The following NLRP5 variants were observed in gnomAD, a reference collection of about 807,000 sequenced individuals.
NLRP5 encodes NACHT, LRR and PYD domains-containing protein 5.
Under a neutral mutation model 113.1 loss-of-function variants are expected in NLRP5, and 93 were observed. That is an observed-to-expected ratio of 0.82 (90% CI 0.70 to 0.98). The LOEUF (loss-of-function observed/expected upper bound fraction) is 0.98, where lower values mean the gene tolerates loss of function less well. Ranked by LOEUF, NLRP5 falls within the 50% of genes least tolerant of loss-of-function variation. The probability of loss-of-function intolerance (pLI) is 0.00; values close to 1 mark genes in which losing one functional copy is unlikely to be tolerated. For missense variants in NLRP5, 1,808 were observed against 1,514.3 expected (o/e 1.19, Z -3.22); for synonymous variants, 751 against 600.7 (o/e 1.25, Z -3.66).
chr19:56,006,428 A>T (rs647004), intron 2 of NLRP5, among the ~76,000 whole-genome samples: 58,557 of 114,596 alleles, frequency 0.51, 11,625 homozygotes, highest in East Asian at 0.7. Context: ...GTATAATTTT[A>T]AAAAAAAAAT....
In NLRP5 at chr19:56,058,383, G is replaced by A; in HGVS notation, c.3443G>A (p.Cys1148Tyr). 1 of 1,613,670 alleles carries A rather than the reference G, an allele frequency of 6.2e-7. No individual in the cohort carries two copies. The highest frequency in any genetic ancestry group is 1.1e-5 in the South Asian group (1 of 90,998). Residue 1148 changes from cysteine to tyrosine, a missense_variant, in exon 14 of 15, where the codon TGT (cysteine) becomes TAT (tyrosine). Transcript: ENST00000390649. ...ATGAAGCTGTGTTCGGCCTTTGCCT[G>A]TCCCACGTCTAACTTACAGATAATT...
rs999905058 is a variant in NLRP5 at position 56,061,504 on chromosome 19, T to C, written c.3579T>C (p.Asp1193=). The change falls in exon 15 of 15, where the codon GAT becomes GAC. Residue 1193 remains aspartate (D), a synonymous_variant. Coordinates refer to ENST00000390649, the MANE Select transcript of NLRP5 (RefSeq NM_153447.4). Reference sequence around the variant, plus strand: ...GTAGTTGGCATTCTTTTGATGAAGATGACCGGTACTGGTGGAAAAACTGAA... The same window carrying C: ...GTAGTTGGCATTCTTTTGATGAAGACGACCGGTACTGGTGGAAAAACTGAA... 2 of 1,614,034 alleles carry C rather than the reference T, an allele frequency of 1.2e-6. No individual in the cohort carries two copies. The highest frequency in any genetic ancestry group is 4.5e-5 in the East Asian group (2 of 44,890).
intron 11 of NLRP5, among the ~76,000 whole-genome samples, chr19:56,044,573 A>T (rs188478334): frequency 2.0e-5 from 3 of 152,174 alleles, no homozygotes; most frequent in Non-Finnish European, 4.4e-5. Context: ...TCGTTGGTCT[A>T]TGTGCCTATT....
intron 3 of NLRP5, among the ~76,000 whole-genome samples, chr19:56,015,261 T>C (rs1424177343): frequency 6.6e-6 from 1 of 152,192 alleles, no homozygotes; most frequent in Non-Finnish European, 1.5e-5. Flanking sequence ...AGTGGTGTGA[T>C]GTCGGCTCAC....
At chr19:56,044,075 T>TTTC (rs1328330006) in intron 11 of NLRP5, among the ~76,000 whole-genome samples, 1 of 149,434 alleles carries the variant, frequency 6.7e-6, no homozygotes, top group African/African-American at 2.5e-5. Context: ...GTCTTTTTTT[T>TTTC]TTTTTGGAGA....
At chr19:56,056,909 G>A (rs1984175044) in intron 13 of NLRP5, among the ~76,000 whole-genome samples, 1 of 152,170 alleles carries the variant, frequency 6.6e-6, no homozygotes, top group African/African-American at 2.4e-5. Flanking sequence ...GGAGGCTGAG[G>A]CCAGTGGATC....
At position 56,027,282 on chromosome 19, in the gene NLRP5, T is replaced by G; in HGVS notation, c.1049T>G (p.Ile350Ser). 1 of 1,612,098 alleles carries G rather than the reference T, an allele frequency of 6.2e-7. No individual in the cohort carries two copies. The highest frequency in any genetic ancestry group is 8.5e-7 in the Non-Finnish European group (1 of 1,179,868). ...GACTCCCAGGCTCCGGTGACGGAGA[T>G]CATGTCCCGACCAGAAAGGCTGTTG... Residue 350 changes from isoleucine (I) to serine (S), a missense_variant, in exon 7 of 15, where the codon ATC becomes AGC. Physicochemically the swap from Ile to Ser is moderately radical, Grantham distance 142. Transcript: ENST00000390649.
At chr19:56,011,772 C>A (rs572620123) in intron 3 of NLRP5, among the ~76,000 whole-genome samples, 1 of 151,660 alleles carries the variant, frequency 6.6e-6, no homozygotes, top group African/African-American at 2.4e-5. Flanking sequence ...TGGCTCACTG[C>A]AACCTCTGCC....
chr19:56,003,317 A>C (rs1981727589), intron 1 of NLRP5, among the ~76,000 whole-genome samples: 1 of 152,068 alleles, frequency 6.6e-6, no homozygotes, highest in African/African-American at 2.4e-5. Flanking sequence ...ACTCCTGGCT[A>C]ATTTTTTTAT....
chr19:56,007,044 T>TA (rs1367913489), intron 2 of NLRP5, among the ~76,000 whole-genome samples: 1 of 151,082 alleles, frequency 6.6e-6, no homozygotes, highest in Non-Finnish European at 1.5e-5. Context: ...TGGCCTAAAA[T>TA]AAAATTTTTT....
At chr19:56,054,810 C>G (rs1984069791) in intron 13 of NLRP5, among the ~76,000 whole-genome samples, 1 of 151,984 alleles carries the variant, frequency 6.6e-6, no homozygotes, top group African/African-American at 2.4e-5. Context: ...TGGAAATATT[C>G]TGGAAGCTAG....
chr19:56,040,809 A>G (rs1462752025), intron 10 of NLRP5, 113 bp from the exon 11 acceptor site: 3 of 866,178 alleles, frequency 3.5e-6, no homozygotes, highest in Non-Finnish European at 3.5e-6. Context: ...ATATGTCTGC[A>G]AGGACATGCC....
At chr19:56,018,177 G>A (rs976981001) in intron 4 of NLRP5, among the ~76,000 whole-genome samples, 5 of 152,050 alleles carry the variant, frequency 3.3e-5, no homozygotes, top group African/African-American at 4.8e-5. Flanking sequence ...AAAAATTTAC[G>A]CCTGTAACTT....
chr19:56,025,718 C>T (rs1355317864), intron 6 of NLRP5, among the ~76,000 whole-genome samples: 1 of 152,006 alleles, frequency 6.6e-6, no homozygotes, highest in Admixed American at 6.6e-5. Context: ...CCATTCCCCT[C>T]TTTATGTACA....
chr19:56,022,275 A>T (rs1982644438), intron 6 of NLRP5, among the ~76,000 whole-genome samples: 1 of 152,182 alleles, frequency 6.6e-6, no homozygotes, highest in Non-Finnish European at 1.5e-5. Flanking sequence ...GCTGAAGTAC[A>T]GTGGCACAAT....
chr19:56,007,992 G>A (rs1982012168), intron 2 of NLRP5, among the ~76,000 whole-genome samples: 1 of 140,312 alleles, frequency 7.1e-6, no homozygotes, highest in Non-Finnish European at 1.6e-5. Context: ...GCAGTGGCGC[G>A]ATCTCGGCTC....
intron 13 of NLRP5, among the ~76,000 whole-genome samples, chr19:56,055,537 CT>C (rs1160965587): frequency 0.23 from 17,536 of 76,132 alleles, 2,280 homozygotes; most frequent in South Asian, 0.28. Context: ...CTTTCTCTGT[CT>C]TTTTTTTTTT....
At chr19:56,009,745 G>T (rs1982109993) in intron 3 of NLRP5, among the ~76,000 whole-genome samples, 1 of 152,144 alleles carries the variant, frequency 6.6e-6, no homozygotes, top group African/African-American at 2.4e-5. Flanking sequence ...ATCTTGCTCA[G>T]CTCCCAGCAG....
intron 14 of NLRP5, among the ~76,000 whole-genome samples, chr19:56,060,573 A>G (rs1984314414): frequency 6.6e-6 from 1 of 152,114 alleles, no homozygotes; most frequent in Admixed American, 6.6e-5. Flanking sequence ...TACCTCCCCA[A>G]ACCCTATAAC....
Sources: allele counts gnomAD v4.1 joint callset (sites outside exome capture counted in the v4.1 genomes callset), GRCh38; gene constraint gnomAD v4.1.1; transcripts MANE v1.5; gene names NCBI Gene and HGNC (gene_info 2026-07-23, HGNC 2026-07-21).